The following HMCN1 variants were observed in gnomAD, a reference collection of about 807,000 sequenced individuals.
The protein encoded by HMCN1 is hemicentin-1.
HMCN1 carries 321 observed loss-of-function variants against 625.9 expected under a neutral mutation model. The observed-to-expected ratio is 0.51, with a 90% confidence interval of 0.47 to 0.56. HMCN1 has a LOEUF of 0.56. Among genes scored for constraint, HMCN1 ranks in the 20% least tolerant of loss-of-function variants. The pLI, the probability that HMCN1 is intolerant of heterozygous loss-of-function variation, is 0.00. For synonymous variants in HMCN1, 2,425 were observed against 2,417.6 expected (o/e 1.00, Z -0.09); for missense variants, 6,588 against 6,887.3 (o/e 0.96, Z 1.54).
At chr1:185,980,809 CTT>C (rs1345931077) in intron 16 of HMCN1, among the ~76,000 whole-genome samples, 167 bp from the exon 17 acceptor site, 1 of 152,182 alleles carries the variant, frequency 6.6e-6, no homozygotes, top group Non-Finnish European at 1.5e-5. Flanking sequence ...GTCTGGAACT[CTT>C]TGTTAGCACT....
chr1:186,020,267 A>G (rs114403442), intron 35 of HMCN1, among the ~76,000 whole-genome samples: 7 of 152,024 alleles, frequency 4.6e-5, no homozygotes, highest in African/African-American at 1.4e-4. Context: ...AGATAGATAG[A>G]TGATAGATTT....
At position 185,888,873 on chromosome 1, in the gene HMCN1, G is replaced by C. The variant is rs1053250508; in HGVS notation, c.622-20464G>C. Among the ~76,000 whole-genome samples, 32 of 147,258 alleles carry C rather than the reference G, an allele frequency of 2.2e-4. 1 individual carries two copies. The highest frequency in any genetic ancestry group is 3.7e-4 in the Non-Finnish European group (25 of 67,988). On this transcript the variant is annotated intron_variant, in intron 4 of 106. Transcript: ENST00000271588. ...AGGCATTGGTAGCTTGATGGGGATG[G>C]CATTGAATCTGTAAATTACCTTAGG... is the stretch of plus-strand genomic sequence containing the variant.
At chr1:185,881,995 A>G (rs199732852) in intron 4 of HMCN1, among the ~76,000 whole-genome samples, 2 of 152,172 alleles carry the variant, frequency 1.3e-5, no homozygotes, top group African/African-American at 4.8e-5. Flanking sequence ...TCTGAATTTC[A>G]TAAGATATTT....
intron 1 of HMCN1, among the ~76,000 whole-genome samples, chr1:185,810,208 T>C (rs1659427904): frequency 6.6e-6 from 1 of 152,136 alleles, no homozygotes; most frequent in Non-Finnish European, 1.5e-5. Flanking sequence ...CTCTTTCATC[T>C]GTCATTTTTT....
Position 186,144,602 on chromosome 1 carries a change from A to G in HMCN1, c.14165A>G (p.Gln4722Arg), listed in dbSNP as rs1167713965. The G allele has an allele frequency of 6.2e-7, 1 of 1,614,158 alleles. No individual in the cohort carries two copies. The highest frequency in any genetic ancestry group is 8.5e-7 in the Non-Finnish European group (1 of 1,180,016). ...CSVSCGGGAR[Q>R]RTRGCSDPVP... ...GTGTCATGTGGAGGAGGTGCCAGAC[A>G]GAGAACAAGGGGCTGCTCCGACCCT... The change falls in exon 91 of 107, where the codon CAG becomes CGG. Residue 4722 changes from glutamine (Q) to arginine (R), a missense_variant. Gln to Arg is a conservative substitution (Grantham distance 43). Transcript: ENST00000271588.
intron 87 of HMCN1, 108 bp downstream of exon 87, chr1:186,137,045 T>A (rs1649649466): frequency 7.6e-7 from 1 of 1,311,060 alleles, no homozygotes; most frequent in African/African-American, 1.4e-5. Flanking sequence ...TAACATACTT[T>A]TAGATGATGG....
intron 1 of HMCN1, among the ~76,000 whole-genome samples, chr1:185,806,503 T>C (rs2102235899): frequency 1.4e-5 from 2 of 143,084 alleles, no homozygotes. Flanking sequence ...GTTGTGATCA[T>C]GCCACTTCGC....
intron 80 of HMCN1, 87 bp from the exon 81 acceptor site, chr1:186,122,864 G>A (rs1661460314): frequency 5.1e-6 from 7 of 1,378,030 alleles, no homozygotes; most frequent in Non-Finnish European, 7.1e-6. Flanking sequence ...TCTTATCAAT[G>A]TTTGCTAGAG....
chr1:186,042,716 T>A (rs1173784550), intron 40 of HMCN1, among the ~76,000 whole-genome samples: 2 of 152,200 alleles, frequency 1.3e-5, no homozygotes, highest in African/African-American at 2.4e-5. Context: ...AAGTGTAAGA[T>A]TAAAACAGGT....
intron 97 of HMCN1, among the ~76,000 whole-genome samples, chr1:186,159,180 T>G (rs1468189826): frequency 6.6e-6 from 1 of 152,078 alleles, no homozygotes; most frequent in Non-Finnish European, 1.5e-5. Context: ...GGTATTTTAT[T>G]CTCTTTGAAG....
At chr1:186,141,169 G>A (rs1208981826) in intron 89 of HMCN1, among the ~76,000 whole-genome samples, 1 of 152,152 alleles carries the variant, frequency 6.6e-6, no homozygotes, top group Non-Finnish European at 1.5e-5. Context: ...AGAATCTAAT[G>A]CCACTGCTGA....
rs536749530 is a variant in HMCN1 at position 186,101,220 on chromosome 1, A to G, written c.10574-2252A>G. Among the ~76,000 whole-genome samples, 3 of 152,202 alleles carry G rather than the reference A, an allele frequency of 2.0e-5. No individual in the cohort carries two copies. The South Asian group carries it at 6.2e-4, about 32-fold the overall frequency. On this transcript the variant is annotated intron_variant, in intron 68 of 106. Coordinates refer to ENST00000271588, the MANE Select transcript of HMCN1 (RefSeq NM_031935.3). ...AGCTCAAATTAGAGTGAGGGAGATG[A>G]GAGAAAAAGGTGTATTCTGGAAATA...
chr1:185,964,070 T>C (rs929522277), intron 13 of HMCN1, among the ~76,000 whole-genome samples, 175 bp downstream of exon 13: 1 of 152,180 alleles, frequency 6.6e-6, no homozygotes, highest in African/African-American at 2.4e-5. Flanking sequence ...TAAAAGTTCA[T>C]AGAGTGAAAA....
chr1:186,092,804 T>G (rs766656034), intron 64 of HMCN1, among the ~76,000 whole-genome samples: 3 of 152,084 alleles, frequency 2.0e-5, no homozygotes, highest in Non-Finnish European at 2.9e-5. Context: ...TTTTTTCAGT[T>G]TCTCATTGTA....
At position 186,003,768 on chromosome 1, in the gene HMCN1, C is replaced by T; in HGVS notation, c.4399C>T (p.Leu1467Phe). 6.2e-7 allele frequency: 1 copy of T among 1,612,694 alleles called. No homozygotes were observed. The highest frequency in any genetic ancestry group is 8.5e-7 in the Non-Finnish European group (1 of 1,178,854). Residue 1467 changes from leucine (L) to phenylalanine (F), a missense_variant, in exon 29 of 107, where the codon CTC becomes TTC. Coordinates refer to ENST00000271588, the MANE Select transcript of HMCN1 (RefSeq NM_031935.3). ...TNFPNEVSVV[L>F]NRDVALECQV... ...CTTCCCAAATGAAGTCTCAGTTGTCCTCAACCGTGACGTCGCCCTTGAATG... is the reference window on the plus strand; with the variant it reads ...CTTCCCAAATGAAGTCTCAGTTGTCTTCAACCGTGACGTCGCCCTTGAATG...
At chr1:185,831,531 T>C (rs1660860879) in intron 1 of HMCN1, among the ~76,000 whole-genome samples, 1 of 152,112 alleles carries the variant, frequency 6.6e-6, no homozygotes, top group Non-Finnish European at 1.5e-5. Flanking sequence ...TCAGGAGTAC[T>C]AGCCAATGCA....
intron 97 of HMCN1, among the ~76,000 whole-genome samples, chr1:186,162,356 T>C (rs1651557624): frequency 2.0e-5 from 3 of 152,164 alleles, no homozygotes; most frequent in Admixed American, 2.0e-4. Context: ...TCTTTGCCTT[T>C]GGTTTGAATT....
intron 93 of HMCN1, among the ~76,000 whole-genome samples, chr1:186,149,107 T>C (rs1403649754): frequency 1.3e-5 from 2 of 152,154 alleles, no homozygotes; most frequent in African/African-American, 2.4e-5. Flanking sequence ...ATTTTCACAA[T>C]GAGCATTGAC....
intron 106 of HMCN1, among the ~76,000 whole-genome samples, chr1:186,189,170 A>G (rs1415376280): frequency 1.3e-5 from 2 of 152,218 alleles, no homozygotes; most frequent in African/African-American, 4.8e-5. Flanking sequence ...TTTAAGAAGT[A>G]CTTGTTTCCA....
Sources: allele counts gnomAD v4.1 joint callset (sites outside exome capture counted in the v4.1 genomes callset), GRCh38; gene constraint gnomAD v4.1.1; transcripts MANE v1.5; gene names NCBI Gene and HGNC (gene_info 2026-07-23, HGNC 2026-07-21).